Variants in USP20 observed in about 807,000 individuals in gnomAD.
The protein encoded by USP20 is ubiquitin specific peptidase 20.
Under a neutral mutation model 124.2 loss-of-function variants are expected in USP20, and 80 were observed. The ratio of observed to expected loss-of-function variants is 0.64; its 90% CI spans 0.54 to 0.78. The LOEUF (loss-of-function observed/expected upper bound fraction) is 0.78. USP20 is among the 30% of genes least tolerant of loss of function. USP20 has a pLI of 0.00. For synonymous variants in USP20, 481 were observed against 512.3 expected (o/e 0.94, Z 0.83); for missense variants, 1,043 against 1,244.4 (o/e 0.84, Z 2.44).
chr9:129,879,839 C>T lies in USP20; in HGVS notation c.2584+195C>T, dbSNP rs547529909. Among the ~76,000 whole-genome samples, 1 of 152,134 alleles carries T rather than the reference C, an allele frequency of 6.6e-6. No individual in the cohort carries two copies. Among genetic ancestry groups the T allele is most frequent in the Non-Finnish European group, 1.5e-5 (1 of 68,016 alleles). On this transcript the variant is annotated intron_variant, in intron 24 of 25. Transcript: ENST00000372429. This position sits in a 1 kb window ranked among gnomAD's most constrained non-coding sequence, Gnocchi z 4.2. Reference sequence around the variant, plus strand: ...CTCTGCTTGTGTCCTCCAGGTCCCACCCCTCTGCCTGCTGCTGGCCTTGCC... The same window carrying T: ...CTCTGCTTGTGTCCTCCAGGTCCCATCCCTCTGCCTGCTGCTGGCCTTGCC...
chr9:129,836,385 A>T (rs1031799201), intron 1 of USP20, among the ~76,000 whole-genome samples: 3 of 152,178 alleles, frequency 2.0e-5, no homozygotes, highest in African/African-American at 7.2e-5. Context: ...TACAAATGAG[A>T]ATGCGGAGTC....
chr9:129,875,699 A>G (rs2034362235), intron 21 of USP20, 58 bp downstream of exon 21: 6 of 1,560,464 alleles, frequency 3.8e-6, no homozygotes, highest in Non-Finnish European at 5.3e-6. Context: ...CTGGGCAGGA[A>G]AAGAGGGGAG....
chr9:129,863,301 T>C lies in USP20; in HGVS notation c.611+2T>C. ...CTCTGAGGTCTGGCATAAGAAACGG[T>C]GAGCAGCTGCATCCCTAGCCTTGGG... On this transcript the variant is annotated splice_donor_variant, in intron 9 of 25. Transcript: ENST00000372429. LOFTEE classifies it high-confidence loss of function. 1 of 1,542,320 alleles carries C rather than the reference T, an allele frequency of 6.5e-7. No individual in the cohort carries two copies. Among genetic ancestry groups the C allele is most frequent in the Non-Finnish European group, 8.8e-7 (1 of 1,139,292 alleles).
intron 8 of USP20, 74 bp from the exon 9 acceptor site, chr9:129,863,112 G>T (rs143402849): frequency 8.1e-7 from 1 of 1,237,076 alleles, no homozygotes; most frequent in Non-Finnish European, 1.1e-6. Flanking sequence ...AGGGCTCCCC[G>T]CTATGCAGCC....
chr9:129,850,805 G>GC (rs1444385366), intron 2 of USP20, among the ~76,000 whole-genome samples: 4 of 151,976 alleles, frequency 2.6e-5, no homozygotes, highest in African/African-American at 9.7e-5. Context: ...ATAGGCTTGT[G>GC]CATCATGCCC....
At chr9:129,846,842 G>A (rs904219987) in intron 1 of USP20, among the ~76,000 whole-genome samples, 11 of 151,678 alleles carry the variant, frequency 7.3e-5, no homozygotes, top group African/African-American at 2.7e-4. Flanking sequence ...GCCCAGGCTG[G>A]TCTCAAACTC....
chr9:129,842,609 T>C (rs2032284340), intron 1 of USP20, among the ~76,000 whole-genome samples: 1 of 152,006 alleles, frequency 6.6e-6, no homozygotes, highest in South Asian at 2.1e-4. Flanking sequence ...TTTTTTTTTT[T>C]TTTAGACGGA....
chr9:129,841,112 G>GACCTGCCATA (rs1486968699), intron 1 of USP20, among the ~76,000 whole-genome samples: 3 of 152,116 alleles, frequency 2.0e-5, no homozygotes, highest in Non-Finnish European at 4.4e-5. Context: ...TTGTTTCCCA[G>GACCTGCCATA]ACCTGCCATA....
chr9:129,868,046 C>G lies in USP20; in HGVS notation c.732C>G (p.His244Gln). 1.9e-6 allele frequency: 3 copies of G among 1,614,092 alleles called. No homozygotes were observed. Among genetic ancestry groups the G allele is most frequent in the Non-Finnish European group, 2.5e-6 (3 of 1,179,986 alleles). ...EFLRCLMDQLHEELKEPVVAT... is the reference protein window; with the variant it reads ...EFLRCLMDQLQEELKEPVVAT... ...TTCGCTGCCTGATGGACCAGCTGCA[C>G]GAGGAGCTCAAGGAGCCGGTGGTGG... Residue 244 changes from histidine to glutamine, a missense_variant, in exon 11 of 26, where the codon CAC becomes CAG. Transcript: ENST00000372429.
At position 129,874,024 on chromosome 9, in the gene USP20, C is replaced by T. The variant is rs549419102; in HGVS notation, c.1740+280C>T. On this transcript the variant is annotated intron_variant, in intron 17 of 25. Transcript: ENST00000372429. ...GCAGGTGTGTGGGACACTGGGTTAC[C>T]ACCCCCAGTGAGACAGCTATGGCTC... is the stretch of plus-strand genomic sequence containing the variant. 2.6e-5 allele frequency among the ~76,000 whole-genome samples: 4 copies of T among 152,296 alleles called. No individual in the cohort carries two copies. In the South Asian group the frequency reaches 8.3e-4, roughly 32 times the overall value.
chr9:129,879,788 C>A lies in USP20; in HGVS notation c.2584+144C>A. 1 of 964,374 alleles carries A rather than the reference C, an allele frequency of 1.0e-6. No homozygotes were observed. Among genetic ancestry groups the A allele is most frequent in the Non-Finnish European group, 1.6e-6 (1 of 641,822 alleles). 59.7% of individuals were successfully genotyped at this position (964,374 alleles called of 1,614,324 possible). A position where few individuals can be genotyped will look rare whatever the true frequency, so the allele number is the denominator to read the frequency against. ...TCCACCTGAGTCCAGACCCAGGCGG[C>A]TGAGAGATGGCCCAAGGGGCTTGGT... On this transcript the variant is annotated intron_variant, in intron 24 of 25. Coordinates refer to ENST00000372429, the MANE Select transcript of USP20 (RefSeq NM_001110303.4). The surrounding 1 kb of genome is among the most constrained non-coding windows in gnomAD (Gnocchi z 4.2).
chr9:129,850,759 G>A (rs1000991503), intron 2 of USP20, among the ~76,000 whole-genome samples: 25 of 152,054 alleles, frequency 1.6e-4, no homozygotes, highest in African/African-American at 6.0e-4. Flanking sequence ...GGGTTCAAGC[G>A]ATTCTCCTGC....
At chr9:129,872,520 G>A (rs1423337060) in intron 15 of USP20, among the ~76,000 whole-genome samples, 1 of 152,112 alleles carries the variant, frequency 6.6e-6, no homozygotes, top group Non-Finnish European at 1.5e-5. Context: ...CATCCTGTAG[G>A]GTGCGTTTCA....
chr9:129,861,017 T>A lies in USP20; in HGVS notation c.411T>A (p.Asp137Glu), dbSNP rs1393289585. 1.2e-6 allele frequency: 2 copies of A among 1,614,100 alleles called. No homozygotes were observed. Among genetic ancestry groups the A allele is most frequent in the South Asian group, 2.2e-5 (2 of 91,084 alleles). ...AAGGAGAGTCTGAGTCAGAGGACGA[T>A]GACCTGAAACCTCGAGGTAATGGCC... ...ADEGESESED[D>E]DLKPRGLTGM... Residue 137 changes from aspartate to glutamate, a missense_variant, in exon 7 of 26, where the codon GAT (aspartate) becomes GAA (glutamate). Physicochemically the swap from Asp to Glu is conservative, Grantham distance 45. Transcript: ENST00000372429.
rs761022131 is a variant in USP20 at position 129,874,857 on chromosome 9, C to T, written c.1950C>T (p.Asn650=). The part of the protein sequence containing the change: ...GSGHYIAYCQ[N]VINGQWYEFD... ...GGCACTACATCGCCTACTGCCAGAACGTGATCAATGGGCAGTGGTACGAGT... is the reference window on the plus strand; with the variant it reads ...GGCACTACATCGCCTACTGCCAGAATGTGATCAATGGGCAGTGGTACGAGT... The change falls in exon 19 of 26, where the codon AAC becomes AAT. Residue 650 remains asparagine (N), a synonymous_variant. Transcript: ENST00000372429. The T allele has an allele frequency of 6.8e-6, 11 of 1,614,008 alleles. No homozygotes were observed. Among genetic ancestry groups the T allele is most frequent in the Middle Eastern group, 1.6e-4 (1 of 6,084 alleles).
chr9:129,872,741 T>C (rs10120206), intron 15 of USP20, among the ~76,000 whole-genome samples: 129,502 of 151,922 alleles, frequency 0.85, 56,055 homozygotes, highest in East Asian at 1. Flanking sequence ...GATTTTAAGC[T>C]GGTCATGGTG....
At chr9:129,842,252 T>C (rs1314153576) in intron 1 of USP20, among the ~76,000 whole-genome samples, 4 of 152,268 alleles carry the variant, frequency 2.6e-5, no homozygotes, top group African/African-American at 9.6e-5. Context: ...GGGCTACTTG[T>C]CCCTGTAATT....
At chr9:129,864,185 G>T (rs1248914924) in intron 9 of USP20, among the ~76,000 whole-genome samples, 2 of 151,772 alleles carry the variant, frequency 1.3e-5, no homozygotes, top group African/African-American at 4.8e-5. Flanking sequence ...AAACCAGCGT[G>T]GGGCCAGATG....
In USP20 at chr9:129,875,371, G is replaced by T; in HGVS notation, c.2110G>T (p.Glu704Ter). ...QQVVSLAAMR[E>*]PSLLRFYVSR... ...GGTGGTGTCCCTGGCCGCCATGCGG[G>T]AGCCCAGCCTGCTGCGGTTCTACGT... Residue 704 changes from glutamate to a stop codon, truncating the protein, a stop_gained, in exon 20 of 26, where the codon GAG becomes TAG. Coordinates refer to ENST00000372429, the MANE Select transcript of USP20 (RefSeq NM_001110303.4). LOFTEE classifies it high-confidence loss of function. 1 of 1,613,150 alleles carries T rather than the reference G, an allele frequency of 6.2e-7. No homozygotes were observed. The highest frequency in any genetic ancestry group is 8.5e-7 in the Non-Finnish European group (1 of 1,179,854).
Sources: gnomAD v4.1 joint callset for allele counts (sites outside exome capture counted in the v4.1 genomes callset) on GRCh38, gnomAD v4.1.1 for gene constraint, Gnocchi (gnomAD v3.1) non-coding constraint, MANE v1.5 for transcripts, NCBI Gene and HGNC (gene_info 2026-07-23, HGNC 2026-07-21) for gene names.